ZNF814: variants seen among roughly 807,000 people sequenced by gnomAD.
The protein encoded by ZNF814 is zinc finger protein 814.
ZNF814 carries 5 observed loss-of-function variants against 7.5 expected under a neutral mutation model. The ratio of observed to expected loss-of-function variants is 0.67; its 90% CI spans 0.35 to 1.40. The LOEUF (loss-of-function observed/expected upper bound fraction) is 1.40. ZNF814 is among the 40% of genes most tolerant of loss of function. The pLI is 0.04. For missense variants in ZNF814, 962 were observed against 1,018.0 expected (o/e 0.94, Z 0.75); for synonymous variants, 315 against 340.7 (o/e 0.92, Z 0.83).
chr19:57,879,023 A>G (rs182321259), intron 1 of ZNF814, among the ~76,000 whole-genome samples: 172 of 152,252 alleles, frequency 1.1e-3, no homozygotes, highest in African/African-American at 4.0e-3. Context: ...GGTTATACCA[A>G]TATGACCAGG....
chr19:57,872,648 T>G lies in ZNF814; in HGVS notation c.*174A>C, dbSNP rs1415056595. 3.3e-6 allele frequency: 5 copies of G among 1,494,494 alleles called. No individual in the cohort carries two copies. The highest frequency in any genetic ancestry group is 4.6e-6 in the Non-Finnish European group (5 of 1,090,728). The allele number at this position is 1,494,494 out of a possible 1,614,324, so 92.6% of individuals were successfully genotyped here. A position where few individuals can be genotyped will look rare whatever the true frequency, so the allele number is the denominator to read the frequency against. On this transcript the variant is annotated 3_prime_UTR_variant, in exon 3 of 3. Coordinates refer to ENST00000435989, the MANE Select transcript of ZNF814 (RefSeq NM_001144989.2). The stretch of plus-strand genomic sequence containing the variant: ...TCAGCAAAGGATTTCCCACATTCAC[T>G]GCACTCATAAGGTGGTGTGACCAGT...
Position 57,874,762 on chromosome 19 carries a change from C to G in ZNF814, c.628G>C (p.Gly210Arg), listed in dbSNP as rs190903410. ...KTECVSPIQCGGAHYSCGESM... is the reference protein window; with the variant it reads ...KTECVSPIQCRGAHYSCGESM... ...TCTCCACAGCTGTAGTGAGCTCCCC[C>G]ACACTGAATGGGAGACACACACTCA... Residue 210 changes from glycine (G) to arginine (R), a missense_variant, in exon 3 of 3, where the codon GGG (glycine) becomes CGG (arginine). This residue lies in a region of ZNF814 where 126 missense variants were observed against 123.5 expected (regional missense o/e 1.02). Coordinates refer to ENST00000435989, the MANE Select transcript of ZNF814 (RefSeq NM_001144989.2). 1,760 of 1,613,792 alleles carry G rather than the reference C, an allele frequency of 1.1e-3. 9 individuals carry two copies. Among genetic ancestry groups the G allele is most frequent in the Non-Finnish European group, 6.0e-4 (703 of 1,179,846 alleles).
At chr19:57,895,362 G>C in the ZNF814 span, among the ~76,000 whole-genome samples, 111 of 149,856 alleles carry the variant, frequency 7.4e-4, no homozygotes, top group Admixed American at 2.1e-3. Context: ...TGCAACCTCT[G>C]CCTCCTGGGT....
At chr19:57,886,534 A>G (rs1478568471) in intron 1 of ZNF814, among the ~76,000 whole-genome samples, 1 of 151,954 alleles carries the variant, frequency 6.6e-6, no homozygotes, top group Non-Finnish European at 1.5e-5. Flanking sequence ...GACAATTTGT[A>G]TTTCACAGGG....
At position 57,874,152 on chromosome 19, in the gene ZNF814, C is replaced by G; in HGVS notation, c.1238G>C (p.Cys413Ser). Reference sequence around the variant, plus strand: ...GCTCTTTTGACTAAAGGATTTCCCACATTCTCCACATTCATAATGTTTTTT... The same window carrying G: ...GCTCTTTTGACTAAAGGATTTCCCAGATTCTCCACATTCATAATGTTTTTT... Reference protein sequence around the residue: ...TDKKHYECGECGKSFSQKSSL... With the variant: ...TDKKHYECGESGKSFSQKSSL... Residue 413 changes from cysteine (C) to serine (S), a missense_variant, in exon 3 of 3, where the codon TGT becomes TCT. Around this residue, in one of 7 missense-constraint regions of ZNF814, gnomAD observed 665 missense variants for 551.4 expected, o/e 1.21. Transcript: ENST00000435989. 1 of 1,592,358 alleles carries G rather than the reference C, an allele frequency of 6.3e-7. No individual in the cohort carries two copies. The highest frequency in any genetic ancestry group is 8.6e-7 in the Non-Finnish European group (1 of 1,169,198).
At chr19:57,879,139 A>G (rs2122445646) in intron 1 of ZNF814, among the ~76,000 whole-genome samples, 1 of 144,992 alleles carries the variant, frequency 6.9e-6, no homozygotes, top group East Asian at 2.0e-4. Flanking sequence ...CAATATTACC[A>G]CAGAACTGCA....
chr19:57,903,040 C>T, the ZNF814 span, among the ~76,000 whole-genome samples: 1 of 152,070 alleles, frequency 6.6e-6, no homozygotes, highest in Non-Finnish European at 1.5e-5. Context: ...CACTTGTTTA[C>T]TTGCATTAAC....
chr19:57,879,127 T>C (rs1464779395), intron 1 of ZNF814, among the ~76,000 whole-genome samples: 2 of 146,626 alleles, frequency 1.4e-5, no homozygotes, highest in Admixed American at 6.9e-5. Context: ...TTCAAACCGA[T>C]CCAATATTAC....
At position 57,888,966 on chromosome 19, in the gene ZNF814, G is replaced by A. The variant is rs1194215849; in HGVS notation, c.-164C>T. 4.2e-6 allele frequency: 3 copies of A among 721,648 alleles called. No homozygotes were observed. Among genetic ancestry groups the A allele is most frequent in the African/African-American group, 3.6e-5 (2 of 56,142 alleles). The allele number at this position is 721,648 out of a possible 1,614,324, so 44.7% of individuals were successfully genotyped here. ...GAGGACAACTGCTCCCCGACTTCTG[G>A]GTTCAGTCACCACAGTGCGGACCTA... On this transcript the variant is annotated 5_prime_UTR_variant, in exon 1 of 3. Coordinates refer to ENST00000435989, the MANE Select transcript of ZNF814 (RefSeq NM_001144989.2).
At chr19:57,901,834 C>T in the ZNF814 span, 1 of 397,838 alleles carries the variant, frequency 2.5e-6, no homozygotes, top group Middle Eastern at 6.3e-4. Context: ...ACTTATTGGA[C>T]TTATGTCCCA....
chr19:57,873,206 C>CTTGTTTCTAAAAAATTTCTGA lies in ZNF814; in HGVS notation c.2163_2183dup (p.Asn727_Lys728insAsnGlnLysPhePheArgAsn), dbSNP rs1190629339. ...CTCTCTGATGTGCAATGAGTTGGTA[C>CTTGTTTCTAAAAAATTTCTGA]TTGTTTCTAAAAAATTTCTGACAAG... On this transcript the variant is annotated inframe_insertion, in exon 3 of 3. Transcript: ENST00000435989. 2.5e-6 allele frequency: 4 copies of CTTGTTTCTAAAAAATTTCTGA among 1,612,480 alleles called. No individual in the cohort carries two copies. The highest frequency in any genetic ancestry group is 3.4e-6 in the Non-Finnish European group (4 of 1,179,434).
At position 57,873,092 on chromosome 19, in the gene ZNF814, G is replaced by A. The variant is rs1319748132; in HGVS notation, c.2298C>T (p.His766=). 2 of 1,613,654 alleles carry A rather than the reference G, an allele frequency of 1.2e-6. No individual in the cohort carries two copies. Among genetic ancestry groups the A allele is most frequent in the African/African-American group, 1.3e-5 (1 of 74,858 alleles). ...TGCACTCATAAGGCTTTTCTCCAGT[G>A]TGAATTCGCTTATGAACACAGAATG... ...SSTFCVHKRI[H]TGEKPYECSE... Residue 766 remains histidine (H), a synonymous_variant, in exon 3 of 3, where the codon CAC becomes CAT. Transcript: ENST00000435989.
chr19:57,871,059 G>A lies in ZNF814; in HGVS notation c.*1763C>T, dbSNP rs1298519845. On this transcript the variant is annotated 3_prime_UTR_variant, in exon 3 of 3. Transcript: ENST00000435989. ...GTCTCCTCCACTGCCTATAAATAAA[G>A]TAATTCTATAAAATTATAATTTCAC... 1 of 152,080 alleles carries A rather than the reference G, an allele frequency of 6.6e-6. No individual in the cohort carries two copies. The highest frequency in any genetic ancestry group is 1.9e-4 in the East Asian group (1 of 5,198). 9.4% of individuals were successfully genotyped at this position (152,080 alleles called of 1,614,324 possible).
the ZNF814 span, among the ~76,000 whole-genome samples, chr19:57,904,337 G>A: frequency 6.6e-6 from 1 of 152,082 alleles, no homozygotes; most frequent in African/African-American, 2.4e-5. Context: ...AGAGCTCAGG[G>A]CCTTTGCAGC....
intron 1 of ZNF814, among the ~76,000 whole-genome samples, chr19:57,883,303 T>G (rs1330744401): frequency 7.0e-6 from 1 of 142,718 alleles, no homozygotes; most frequent in Non-Finnish European, 1.5e-5. Context: ...GAGCCTACAG[T>G]GAGCTGAGAT....
chr19:57,873,293 C>T lies in ZNF814; in HGVS notation c.2097G>A (p.Lys699=). ...TCTGGTGTACAAGGAGGTGAGACTT[C>T]TTCTTAAATAATTTTCCACATTCCC... ...VCRECGKLFK[K]KSHLLVHQRI... The change falls in exon 3 of 3, where the codon AAG becomes AAA. Residue 699 remains lysine, a synonymous_variant. Coordinates refer to ENST00000435989, the MANE Select transcript of ZNF814 (RefSeq NM_001144989.2). The T allele has an allele frequency of 6.3e-7, 1 of 1,591,676 alleles. No homozygotes were observed. Among genetic ancestry groups the T allele is most frequent in the Non-Finnish European group, 8.6e-7 (1 of 1,168,470 alleles).
chr19:57,895,805 T>G, the ZNF814 span, among the ~76,000 whole-genome samples: 2 of 152,084 alleles, frequency 1.3e-5, no homozygotes, highest in Admixed American at 6.6e-5. Flanking sequence ...GGCGTCCCAA[T>G]TCAGACCCCA....
the ZNF814 span, among the ~76,000 whole-genome samples, chr19:57,894,612 G>C: frequency 1.3e-5 from 2 of 151,676 alleles, no homozygotes; most frequent in Admixed American, 6.6e-5. Context: ...GGCAGATCAC[G>C]AGGTCAGGAG....
At chr19:57,891,524 C>CAAA (rs557386723), upstream of ZNF814, among the ~76,000 whole-genome samples, 1 of 119,574 alleles carries the variant, frequency 8.4e-6, no homozygotes, top group Non-Finnish European at 1.8e-5. Context: ...GACTCCGCCT[C>CAAA]AAAAAAAAAA....
Sources: allele counts gnomAD v4.1 joint callset (sites outside exome capture counted in the v4.1 genomes callset), GRCh38; gene constraint gnomAD v4.1.1; regional missense constraint gnomAD v4.1.1; transcripts MANE v1.5; gene names NCBI Gene and HGNC (gene_info 2026-07-23, HGNC 2026-07-21).